The following MSL3B variants were observed in gnomAD, a reference collection of about 807,000 sequenced individuals.
MSL3B encodes MSL complex subunit 3B.
chr2:233,865,759 T>C, the MSL3B span: 1 of 163,220 alleles, frequency 6.1e-6, no homozygotes, highest in Non-Finnish European at 1.3e-5. Context: ...AAAAAAAATT[T>C]TGTTTAATGC....
the MSL3B span, chr2:233,866,745 G>C: frequency 2.5e-6 from 2 of 799,390 alleles, no homozygotes; most frequent in Admixed American, 3.4e-5. Context: ...GGCCTGGATG[G>C]ATTCAACAAA....
the MSL3B span, chr2:233,867,570 G>C: frequency 2.7e-5 from 6 of 222,020 alleles, no homozygotes; most frequent in East Asian, 8.7e-4. Context: ...CCGCCTCCCG[G>C]GTTCAAGTGA....
chr2:233,866,771 A>G, the MSL3B span: 3 of 811,602 alleles, frequency 3.7e-6, no homozygotes, highest in East Asian at 7.3e-5. Context: ...GCTGGGAGAG[A>G]GCTTCTCCTG....
At chr2:233,866,738 C>T in the MSL3B span, 18 of 797,040 alleles carry the variant, frequency 2.3e-5, no homozygotes, top group Admixed American at 3.4e-5. Context: ...AGACTGCGGC[C>T]TGGATGGATT....
the MSL3B span, chr2:233,867,064 C>T: frequency 7.5e-6 from 9 of 1,204,560 alleles, no homozygotes; most frequent in Admixed American, 1.7e-5. Context: ...CATAGGATTC[C>T]AAAATCGTTA....
At chr2:233,867,142 CAG>C in the MSL3B span, 1 of 815,112 alleles carries the variant, frequency 1.2e-6, no homozygotes, top group Non-Finnish European at 2.2e-6. Context: ...AATCATCCTC[CAG>C]CTGCCTCTTC....
At chr2:233,868,292 G>A in the MSL3B span, 7 of 277,454 alleles carry the variant, frequency 2.5e-5, no homozygotes, top group African/African-American at 9.1e-5. Flanking sequence ...CAGGCTGCAC[G>A]GCAGGGGAGA....
At chr2:233,868,351 G>C in the MSL3B span, 6 of 165,966 alleles carry the variant, frequency 3.6e-5, no homozygotes, top group African/African-American at 1.4e-4. Flanking sequence ...CTCCTCCGTC[G>C]GCGGCTTGCG....
chr2:233,867,789 ATTTTTTTTTTTT>A, the MSL3B span, among the ~76,000 whole-genome samples: 1 of 72,822 alleles, frequency 1.4e-5, no homozygotes, highest in East Asian at 3.5e-4. Context: ...CTAATCTACG[ATTTTTTTTTTTT>A]TTTTTTTTTG....
At chr2:233,867,098 T>G in the MSL3B span, 18 of 1,045,420 alleles carry the variant, frequency 1.7e-5, no homozygotes, top group Admixed American at 3.0e-4. Flanking sequence ...GCATGGAAGT[T>G]GCACTAACCG....
chr2:233,867,147 G>A, the MSL3B span: 1 of 810,764 alleles, frequency 1.2e-6, no homozygotes, highest in South Asian at 1.3e-5. Flanking sequence ...TCCTCCAGCT[G>A]CCTCTTCAGA....
the MSL3B span, chr2:233,866,324 C>T: frequency 2.5e-6 from 2 of 803,756 alleles, no homozygotes; most frequent in South Asian, 2.7e-5. Context: ...GACAAACAAT[C>T]GCAGCAAATG....
the MSL3B span, chr2:233,866,903 G>GT: frequency 2.0e-5 from 30 of 1,481,854 alleles, no homozygotes; most frequent in Non-Finnish European, 2.2e-5. Context: ...GTAATCAAAG[G>GT]TTATTCTTAA....
chr2:233,866,282 A>C, the MSL3B span: 1 of 749,672 alleles, frequency 1.3e-6, no homozygotes, highest in Admixed American at 1.7e-5. Context: ...CTTCTCAGTA[A>C]AGGACATTTT....
the MSL3B span, chr2:233,867,144 G>A: frequency 3.7e-6 from 3 of 814,780 alleles, no homozygotes; most frequent in African/African-American, 5.0e-5. Flanking sequence ...TCATCCTCCA[G>A]CTGCCTCTTC....
the MSL3B span, chr2:233,867,339 C>T: frequency 3.7e-5 from 24 of 641,306 alleles, no homozygotes; most frequent in African/African-American, 3.6e-5. Flanking sequence ...TTTTTTTCTT[C>T]GATGGAGAGG....
the MSL3B span, chr2:233,867,436 C>T: frequency 2.2e-6 from 1 of 453,362 alleles, no homozygotes; most frequent in South Asian, 2.4e-5. Flanking sequence ...TACAGCATTT[C>T]TTGCCAATTT....
the MSL3B span, chr2:233,868,214 A>G: frequency 2.2e-6 from 1 of 452,424 alleles, no homozygotes; most frequent in Non-Finnish European, 4.6e-6. Flanking sequence ...GCCTTTCCCA[A>G]CAATAACATT....
the MSL3B span, chr2:233,867,372 A>G: frequency 7.0e-6 from 4 of 575,516 alleles, no homozygotes; most frequent in African/African-American, 1.9e-5. Context: ...AGACAGAGTC[A>G]GCACCAAGCA....
Sources: gnomAD v4.1 joint callset for allele counts (sites outside exome capture counted in the v4.1 genomes callset) on GRCh38, gnomAD v4.1.1 for gene constraint, MANE v1.5 for transcripts, NCBI Gene and HGNC (gene_info 2026-07-23, HGNC 2026-07-21) for gene names.